LGI2: variants seen among roughly 807,000 people sequenced by gnomAD.
LGI2 encodes the protein leucine-rich repeat LGI family member 2.
LGI2 carries 30 observed loss-of-function variants against 52.0 expected under a neutral mutation model. That is an observed-to-expected ratio of 0.58 (90% CI 0.43 to 0.78). The LOEUF (loss-of-function observed/expected upper bound fraction) is 0.78, where lower values mean the gene tolerates loss of function less well. Among genes scored for constraint, LGI2 ranks in the 30% least tolerant of loss-of-function variants. LGI2 has a pLI of 0.00. For synonymous variants in LGI2, 270 were observed against 271.8 expected, an observed-to-expected ratio of 0.99 and a Z score of 0.06; for missense variants, 573 against 692.5, an observed-to-expected ratio of 0.83 and a Z score of 1.94.
At chr4:25,030,453 A>AGGGTG (rs1726299930) in intron 1 of LGI2, 44 bp downstream of exon 1, 9 of 1,276,506 alleles carry the variant, frequency 7.1e-6, no homozygotes, top group Non-Finnish European at 9.4e-6. Flanking sequence ...CGGCGGACGC[A>AGGGTG]GGGTGGGGCG....
rs1158549773 is a variant in LGI2, at chr4:25,018,101, C to A, written c.543G>T (p.Trp181Cys). 2 of 1,613,588 alleles carry A rather than the reference C, an allele frequency of 1.2e-6. No individual in the cohort carries two copies. Among genetic ancestry groups the A allele is most frequent in the Admixed American group, 3.3e-5 (2 of 59,810 alleles). The change falls in exon 6 of 8, where the codon TGG (tryptophan) becomes TGT (cysteine). Residue 181 changes from tryptophan to cysteine, a missense_variant. By Grantham distance (215) the Trp-to-Cys change is radical. Transcript: ENST00000382114. ...AAACGGTGGAATTTGTCATCTTCAACCACAGGTATAGCCACTTGGCTTTGC... is the reference window on the plus strand; with the variant it reads ...AAACGGTGGAATTTGTCATCTTCAAACACAGGTATAGCCACTTGGCTTTGC... The part of the protein sequence containing the change: ...CDCKAKWLYL[W>C]LKMTNSTVSD...
intron 2 of LGI2, among the ~76,000 whole-genome samples, chr4:25,027,356 C>T (rs1047723470): frequency 3.4e-5 from 5 of 148,646 alleles, no homozygotes; most frequent in African/African-American, 1.3e-4. Flanking sequence ...AGCTAAGTGA[C>T]TTGACCAAAG....
In LGI2 at chr4:25,004,014, T is replaced by G; in HGVS notation, c.1075A>C (p.Lys359Gln). ...AGTGACTGGTAAGAATAGAATCCTT[T>G]GCTGTTCCATTTATAAACTGTGGAC... ...GLSTVYKWNS[K>Q]GFYSYQSLHE... The change falls in exon 8 of 8, where the codon AAA becomes CAA. Residue 359 changes from lysine to glutamine, a missense_variant. Transcript: ENST00000382114. The surrounding 1 kb of genome is among the most constrained non-coding windows in gnomAD (Gnocchi z 4.6). The G allele has an allele frequency of 6.2e-7, 1 of 1,614,206 alleles. No homozygotes were observed. Among genetic ancestry groups the G allele is most frequent in the Admixed American group, 1.7e-5 (1 of 60,020 alleles).
At position 25,004,714 on chromosome 4, in the gene LGI2, C is replaced by A. The variant is rs2110454; in HGVS notation, c.821-446G>T. 6.6e-6 allele frequency among the ~76,000 whole-genome samples: 1 copy of A among 151,714 alleles called. No individual in the cohort carries two copies. Among genetic ancestry groups the A allele is most frequent in the Non-Finnish European group, 1.5e-5 (1 of 67,914 alleles). On this transcript the variant is annotated intron_variant, in intron 7 of 7. Coordinates refer to ENST00000382114, the MANE Select transcript of LGI2 (RefSeq NM_018176.4). The surrounding 1 kb of genome is among the most constrained non-coding windows in gnomAD (Gnocchi z 4.6). ...TGGCCAGCTATGCAGTGGGTTCTTG[C>A]CACATACCAAATCTGCCAATGTCTT...
chr4:25,026,124 A>G (rs1196861333), intron 3 of LGI2, among the ~76,000 whole-genome samples: 1 of 151,802 alleles, frequency 6.6e-6, no homozygotes, highest in African/African-American at 2.4e-5. Flanking sequence ...TAGAATTCCA[A>G]TACCTACCTG....
chr4:25,029,542 G>C (rs574507837), intron 1 of LGI2, among the ~76,000 whole-genome samples: 2 of 152,334 alleles, frequency 1.3e-5, no homozygotes, highest in South Asian at 2.1e-4. Flanking sequence ...CCTGGAACAA[G>C]AGAGTGGTCT....
downstream of LGI2, among the ~76,000 whole-genome samples, chr4:24,997,979 G>C (rs1312965996): frequency 6.6e-6 from 1 of 152,134 alleles, no homozygotes; most frequent in African/African-American, 2.4e-5. Context: ...CTGGGCTCAA[G>C]GGATCCTCCT....
intron 2 of LGI2, 29 bp downstream of exon 2, chr4:25,028,478 A>G (rs1470283221): frequency 1.9e-6 from 3 of 1,605,134 alleles, no homozygotes; most frequent in Non-Finnish European, 2.6e-6. Context: ...AGGGCCCCCC[A>G]TTGTGCAGAG....
chr4:24,994,793 G>A (rs1196168150), downstream of LGI2, among the ~76,000 whole-genome samples: 1 of 152,140 alleles, frequency 6.6e-6, no homozygotes, highest in East Asian at 1.9e-4. Flanking sequence ...CGGGGCTTGT[G>A]ACAGGGCCAT....
At chr4:25,012,285 GC>G in intron 7 of LGI2, 49 bp downstream of exon 7, 1 of 1,601,692 alleles carries the variant, frequency 6.2e-7, no homozygotes, top group Non-Finnish European at 8.5e-7. Flanking sequence ...CCGCGGGCTT[GC>G]CGCAATGCTG....
chr4:25,015,555 C>T (rs939556552), intron 6 of LGI2, among the ~76,000 whole-genome samples: 5 of 152,182 alleles, frequency 3.3e-5, no homozygotes, highest in South Asian at 4.1e-4. Flanking sequence ...GGAGAAAACT[C>T]ACCCCTTTTC....
chr4:25,023,658 C>T (rs955457365), intron 4 of LGI2, among the ~76,000 whole-genome samples: 6 of 152,200 alleles, frequency 3.9e-5, no homozygotes, highest in Admixed American at 3.9e-4. Flanking sequence ...CATCCCTGCC[C>T]AACACTTCCA....
rs184678408 is a variant in LGI2 at position 25,015,448 on chromosome 4, C to G, written c.655+2541G>C. Among the ~76,000 whole-genome samples the G allele has an allele frequency of 2.0e-5, 3 of 152,278 alleles. No homozygotes were observed. In the East Asian group the frequency reaches 5.8e-4, roughly 29 times the overall value. On this transcript the variant is annotated intron_variant, in intron 6 of 7. Transcript: ENST00000382114. ...AGCTGATTAATGTAAAGACCTGAAACAGCCCAATGGTGGCTTTGTGATATG... is the reference window on the plus strand; with the variant it reads ...AGCTGATTAATGTAAAGACCTGAAAGAGCCCAATGGTGGCTTTGTGATATG...
chr4:25,029,103 T>A (rs1726246855), intron 1 of LGI2, among the ~76,000 whole-genome samples: 1 of 152,194 alleles, frequency 6.6e-6, no homozygotes, highest in Non-Finnish European at 1.5e-5. Context: ...CAGTACCATC[T>A]GCCAGATAAA....
At chr4:25,017,521 G>A (rs1258870586) in intron 6 of LGI2, among the ~76,000 whole-genome samples, 8 of 121,630 alleles carry the variant, frequency 6.6e-5, no homozygotes, top group Admixed American at 3.1e-4. Flanking sequence ...CAGCCTGGGC[G>A]ACAGAGTAAG....
At chr4:25,010,036 A>C (rs1314534523) in intron 7 of LGI2, among the ~76,000 whole-genome samples, 1 of 152,192 alleles carries the variant, frequency 6.6e-6, no homozygotes, top group Non-Finnish European at 1.5e-5. Context: ...GAATAAATTT[A>C]AGAATGCCAC....
chr4:25,013,880 C>T (rs886527722), intron 6 of LGI2, among the ~76,000 whole-genome samples: 4 of 152,174 alleles, frequency 2.6e-5, no homozygotes, highest in Non-Finnish European at 5.9e-5. Flanking sequence ...CCTCTGTTCA[C>T]TCCTGTTGGC....
At chr4:25,021,627 G>T (rs1433706111) in intron 4 of LGI2, among the ~76,000 whole-genome samples, 1 of 152,090 alleles carries the variant, frequency 6.6e-6, no homozygotes, top group East Asian at 1.9e-4. Context: ...CCTGCCTAGA[G>T]GAGTCAACTT....
chr4:25,008,698 G>A (rs1725472939), intron 7 of LGI2, among the ~76,000 whole-genome samples: 1 of 152,156 alleles, frequency 6.6e-6, no homozygotes, highest in Admixed American at 6.5e-5. Flanking sequence ...ACTTGGCCGT[G>A]GCCACCAGCT....
Sources: gnomAD v4.1 joint callset for allele counts (sites outside exome capture counted in the v4.1 genomes callset) on GRCh38, gnomAD v4.1.1 for gene constraint, Gnocchi (gnomAD v3.1) non-coding constraint, MANE v1.5 for transcripts, NCBI Gene and HGNC (gene_info 2026-07-23, HGNC 2026-07-21) for gene names.